The following PEX13 variants were observed in gnomAD, a reference collection of about 807,000 sequenced individuals.
PEX13 encodes the protein peroxisomal biogenesis factor 13.
In PEX13, 28 loss-of-function variants were observed where a neutral mutation model predicts 34.5. The ratio of observed to expected loss-of-function variants is 0.81; its 90% CI spans 0.60 to 1.11. The LOEUF (loss-of-function observed/expected upper bound fraction) is 1.11. PEX13 is among the 50% of genes most tolerant of loss of function. The pLI, the probability that PEX13 is intolerant of heterozygous loss-of-function variation, is 0.00. For synonymous variants in PEX13, 177 were observed against 175.1 expected, an observed-to-expected ratio of 1.01 and a Z score of -0.09; for missense variants, 550 against 491.0, an observed-to-expected ratio of 1.12 and a Z score of -1.13.
In PEX13 at chr2:61,018,126, G is replaced by A. The variant is rs1458337869; in HGVS notation, c.92+275G>A. 11 of 1,548,344 alleles carry A rather than the reference G, an allele frequency of 7.1e-6. No homozygotes were observed. In the East Asian group the frequency reaches 1.9e-4, roughly 27 times the overall value. On this transcript the variant is annotated intron_variant, in intron 1 of 3. Transcript: ENST00000295030. ...TCTGTGCTTGAAAGAAAGGGGGGCG[G>A]CTTCCTACCTACCGCTTCTGTTTTC...
chr2:61,031,355 T>C lies in PEX13; in HGVS notation c.93-64T>C, dbSNP rs1257271935. 7 of 1,197,636 alleles carry C rather than the reference T, an allele frequency of 5.8e-6. No individual in the cohort carries two copies. In the Admixed American group the frequency reaches 9.1e-5, roughly 16 times the overall value. The allele number at this position is 1,197,636 out of a possible 1,614,324, so 74.2% of individuals were successfully genotyped here. A position where few individuals can be genotyped will look rare whatever the true frequency, so the allele number is the denominator to read the frequency against. On this transcript the variant is annotated intron_variant, in intron 1 of 3. Coordinates refer to ENST00000295030, the MANE Select transcript of PEX13 (RefSeq NM_002618.4). ...CACCAGGTATATAGGAGATGTTTAA[T>C]ACTTACTTTGAATTGAATTTATTGT...
chr2:61,039,032 T>C (rs1473139771), intron 2 of PEX13, among the ~76,000 whole-genome samples: 1 of 152,118 alleles, frequency 6.6e-6, no homozygotes, highest in East Asian at 1.9e-4. Context: ...GAATCCAACT[T>C]ACAAGGGATG....
rs745731357 is a variant in PEX13, at chr2:61,031,665, T to C, written c.339T>C (p.Leu113=). ...LGYNRLRVDD[L]PPSRFVQQAE... The stretch of plus-strand genomic sequence containing the variant: ...ACAACCGCCTCCGTGTAGATGATCT[T>C]CCACCCAGTAGATTTGTTCAGCAAG... The change falls in exon 2 of 4, where the codon CTT becomes CTC. Residue 113 remains leucine, a synonymous_variant. Transcript: ENST00000295030. 1.9e-6 allele frequency: 3 copies of C among 1,614,184 alleles called. No homozygotes were observed. The South Asian group carries it at 3.3e-5, about 18-fold the overall frequency.
chr2:61,023,781 CTTTTG>C (rs1680305999), intron 1 of PEX13, among the ~76,000 whole-genome samples: 1 of 122,264 alleles, frequency 8.2e-6, no homozygotes, highest in South Asian at 2.6e-4. Flanking sequence ...CCATCTCTGT[CTTTTG>C]TTTTGTTTGT....
chr2:61,031,297 CAATT>C (rs1218717790), intron 1 of PEX13, 118 bp from the exon 2 acceptor site: 2 of 773,378 alleles, frequency 2.6e-6, no homozygotes, highest in African/African-American at 1.7e-5. Flanking sequence ...GTCTCTAAAT[CAATT>C]AATCAGTCTT....
chr2:61,039,601 A>G (rs886943006), intron 2 of PEX13, among the ~76,000 whole-genome samples: 1 of 152,220 alleles, frequency 6.6e-6, no homozygotes, highest in African/African-American at 2.4e-5. Context: ...CTCAAGATGG[A>G]TTAAAAACTT....
At chr2:61,042,271 C>T (rs1466930560) in intron 2 of PEX13, among the ~76,000 whole-genome samples, 2 of 152,126 alleles carry the variant, frequency 1.3e-5, no homozygotes, top group African/African-American at 4.8e-5. Context: ...ATAGTTTGCA[C>T]AGAGACTATA....
intron 1 of PEX13, chr2:61,018,127 C>T (rs1680138087): frequency 1.3e-6 from 2 of 1,548,858 alleles, no homozygotes; most frequent in Non-Finnish European, 1.7e-6. Flanking sequence ...AGGGGGGCGG[C>T]TTCCTACCTA....
rs550344775 is a variant in PEX13 at position 61,048,648 on chromosome 2, G to A, written c.1090G>A (p.Ala364Thr). 6.3e-5 allele frequency: 102 copies of A among 1,613,938 alleles called. No individual in the cohort carries two copies. The highest frequency in any genetic ancestry group is 6.9e-5 in the Non-Finnish European group (81 of 1,179,944). ...SFTNPTLTKG[A>T]TVADSLDEQE... is the part of the protein sequence containing the mutation. ...TACCAACCCAACACTAACTAAAGGA[G>A]CCACGGTTGCTGATTCTTTGGATGA... Residue 364 changes from alanine (A) to threonine (T), a missense_variant, in exon 4 of 4, where the codon GCC becomes ACC. Coordinates refer to ENST00000295030, the MANE Select transcript of PEX13 (RefSeq NM_002618.4).
intron 1 of PEX13, chr2:61,018,269 A>T (rs1680149641): frequency 1.9e-6 from 3 of 1,550,940 alleles, no homozygotes; most frequent in Non-Finnish European, 2.6e-6. Flanking sequence ...TAAAGGTGTT[A>T]ACCTCTCGAG....
At chr2:61,041,388 A>T (rs928913102) in intron 2 of PEX13, among the ~76,000 whole-genome samples, 1 of 152,188 alleles carries the variant, frequency 6.6e-6, no homozygotes, top group Non-Finnish European at 1.5e-5. Flanking sequence ...ACATAGAAAG[A>T]TAGAAAAGAA....
intron 1 of PEX13, among the ~76,000 whole-genome samples, chr2:61,022,489 T>C (rs1433887747): frequency 6.6e-6 from 1 of 152,272 alleles, no homozygotes. Context: ...AAAATGTTTA[T>C]TGTATCAACC....
Position 61,049,960 on chromosome 2 carries a change from T to G in PEX13, c.*1190T>G, listed in dbSNP as rs1387267741. 1.3e-5 allele frequency: 2 copies of G among 152,316 alleles called. No homozygotes were observed. The highest frequency in any genetic ancestry group is 1.9e-4 in the East Asian group (1 of 5,322). The allele number at this position is 152,316 out of a possible 1,614,324, so 9.4% of individuals were successfully genotyped here. On this transcript the variant is annotated 3_prime_UTR_variant, in exon 4 of 4. Transcript: ENST00000295030. ...TTTTCATAGATTGTTTGCTTCTACC[T>G]TGTGTAATTTTTTAAATTCCATATT...
intron 1 of PEX13, among the ~76,000 whole-genome samples, chr2:61,027,293 T>C (rs781281496): frequency 6.6e-6 from 1 of 150,842 alleles, no homozygotes; most frequent in African/African-American, 2.4e-5. Flanking sequence ...GAGCCGTGAT[T>C]GCACCACTGA....
intron 2 of PEX13, among the ~76,000 whole-genome samples, chr2:61,035,723 C>A (rs757321040): frequency 1.3e-5 from 2 of 152,130 alleles, no homozygotes; most frequent in Non-Finnish European, 2.9e-5. Context: ...GTGGCACACG[C>A]CTGTAATCCC....
chr2:61,031,088 G>A (rs1174243912), intron 1 of PEX13, among the ~76,000 whole-genome samples: 1 of 152,152 alleles, frequency 6.6e-6, no homozygotes, highest in Non-Finnish European at 1.5e-5. Context: ...CCAGGAGTTT[G>A]AGACCAGCCT....
At chr2:61,028,725 C>G (rs924961867) in intron 1 of PEX13, among the ~76,000 whole-genome samples, 13 of 152,010 alleles carry the variant, frequency 8.6e-5, no homozygotes, top group African/African-American at 3.1e-4. Flanking sequence ...TGGGTTGACT[C>G]TTTAGAAGGT....
chr2:61,035,854 A>T (rs1346948836), intron 2 of PEX13, among the ~76,000 whole-genome samples: 1 of 152,048 alleles, frequency 6.6e-6, no homozygotes, highest in African/African-American at 2.4e-5. Context: ...GTGTTGGCAC[A>T]TGCCTGTAAT....
intron 1 of PEX13, among the ~76,000 whole-genome samples, chr2:61,020,779 C>T (rs1003193050): frequency 2.0e-5 from 3 of 152,024 alleles, no homozygotes; most frequent in Admixed American, 1.3e-4. Context: ...CTCAGTCTCC[C>T]GGACAGTTGA....
Sources: gnomAD v4.1 joint callset for allele counts (sites outside exome capture counted in the v4.1 genomes callset) on GRCh38, gnomAD v4.1.1 for gene constraint, MANE v1.5 for transcripts, NCBI Gene and HGNC (gene_info 2026-07-23, HGNC 2026-07-21) for gene names.